Variants in IPO7 observed in about 807,000 individuals in gnomAD.
The protein encoded by IPO7 is importin 7.
In IPO7, 13 loss-of-function variants were observed where a neutral mutation model predicts 136.4. The ratio of observed to expected loss-of-function variants is 0.10; its 90% CI spans 0.06 to 0.15. The LOEUF (loss-of-function observed/expected upper bound fraction) is 0.15. Among genes scored for constraint, IPO7 ranks in the 10% least tolerant of loss-of-function variants. The pLI is 1.00. For synonymous variants in IPO7, 403 were observed against 404.4 expected, an observed-to-expected ratio of 1.00 and a Z score of 0.04; for missense variants, 857 against 1,240.6, an observed-to-expected ratio of 0.69 and a Z score of 4.65.
At chr11:9,389,584 A>G (rs1309514038) in intron 1 of IPO7, among the ~76,000 whole-genome samples, 1 of 152,284 alleles carries the variant, frequency 6.6e-6, no homozygotes, top group Non-Finnish European at 1.5e-5. Context: ...TTGGATGACG[A>G]AACTATTAGA....
intron 23 of IPO7, 143 bp downstream of exon 23, chr11:9,440,804 A>T: frequency 1.6e-6 from 1 of 616,198 alleles, no homozygotes; most frequent in Non-Finnish European, 2.9e-6. Context: ...ATTATTTCTA[A>T]GGTTGCCATA....
intron 5 of IPO7, chr11:9,414,619 CTTTTTTTTTTTTT>C (rs1164303193): frequency 5.6e-5 from 4 of 71,342 alleles, no homozygotes; most frequent in Admixed American, 2.3e-4. Context: ...CCTAATGAAT[CTTTTTTTTTTTTT>C]TTTTTTTTTT....
intron 1 of IPO7, among the ~76,000 whole-genome samples, chr11:9,388,619 C>T (rs939340366): frequency 3.3e-5 from 5 of 151,982 alleles, no homozygotes; most frequent in East Asian, 1.9e-4. Context: ...GCTGAGACTA[C>T]GGGGATGTGC....
At chr11:9,405,336 G>A (rs887423720) in intron 2 of IPO7, among the ~76,000 whole-genome samples, 2 of 151,812 alleles carry the variant, frequency 1.3e-5, no homozygotes, top group African/African-American at 2.4e-5. Context: ...CACCACGCCC[G>A]GCTAATTCTT....
intron 20 of IPO7, among the ~76,000 whole-genome samples, chr11:9,436,983 G>A (rs995030534): frequency 7.3e-6 from 1 of 137,572 alleles, no homozygotes; most frequent in Admixed American, 7.7e-5. Flanking sequence ...CCTCCCAGGT[G>A]CAAGCAGTTC....
chr11:9,438,255 G>A lies in IPO7; in HGVS notation c.2665G>A (p.Asp889Asn). 1.3e-6 allele frequency: 2 copies of A among 1,588,026 alleles called. No homozygotes were observed. Among genetic ancestry groups the A allele is most frequent in the Non-Finnish European group, 1.7e-6 (2 of 1,157,578 alleles). The part of the protein sequence containing the change: ...HAEHENDSDD[D>N]DEAEDDDETE... ...AGAACATGAGAATGACAGTGATGATGATGATGAAGCTGAAGATGATGATGA... is the reference window on the plus strand; with the variant it reads ...AGAACATGAGAATGACAGTGATGATAATGATGAAGCTGAAGATGATGATGA... The change falls in exon 22 of 25, where the codon GAT (aspartate) becomes AAT (asparagine). Residue 889 changes from aspartate to asparagine, a missense_variant. Physicochemically the swap from Asp to Asn is conservative, Grantham distance 23. Around this residue, in one of 11 missense-constraint regions of IPO7, gnomAD observed 119 missense variants for 155.5 expected, o/e 0.77. Coordinates refer to ENST00000379719, the MANE Select transcript of IPO7 (RefSeq NM_006391.3).
intron 24 of IPO7, among the ~76,000 whole-genome samples, chr11:9,444,371 T>G (rs1270424695): frequency 6.6e-6 from 1 of 151,122 alleles, no homozygotes; most frequent in Non-Finnish European, 1.5e-5. Flanking sequence ...ATTAAAAAAA[T>G]TATTTTATTT....
intron 16 of IPO7, chr11:9,433,291 C>A (rs568554459): frequency 2.5e-4 from 95 of 380,164 alleles, no homozygotes; most frequent in African/African-American, 1.3e-3. Context: ...CGGCCAACTC[C>A]TTTATTTTCA....
chr11:9,401,689 G>A (rs1042409644), intron 1 of IPO7, among the ~76,000 whole-genome samples: 2 of 151,932 alleles, frequency 1.3e-5, no homozygotes, highest in Non-Finnish European at 2.9e-5. Flanking sequence ...TTAAAATGTG[G>A]GAAATTCTAT....
chr11:9,385,848 A>G (rs1249937659), intron 1 of IPO7, among the ~76,000 whole-genome samples: 1 of 152,134 alleles, frequency 6.6e-6, no homozygotes, highest in Non-Finnish European at 1.5e-5. Context: ...TTTACGTATT[A>G]ATGATCAGTA....
At chr11:9,419,559 A>AATATATATATATATATATAT (rs1244588095) in intron 6 of IPO7, among the ~76,000 whole-genome samples, 1 of 116,866 alleles carries the variant, frequency 8.6e-6, no homozygotes, top group African/African-American at 3.8e-5. Flanking sequence ...AAAAAAAAAA[A>AATATATATATATATATATAT]ATATATATAT....
intron 1 of IPO7, among the ~76,000 whole-genome samples, chr11:9,395,388 C>T (rs967337001): frequency 2.0e-5 from 3 of 152,112 alleles, no homozygotes; most frequent in South Asian, 2.1e-4. Flanking sequence ...GGATTACAGG[C>T]GCCCCCCACT....
rs1565000048 is a variant in IPO7, at chr11:9,424,600, CGGGCGTGGTGG to C, written c.1142-313_1142-303del. 1.3e-4 allele frequency among the ~76,000 whole-genome samples: 20 copies of C among 152,070 alleles called. No homozygotes were observed. In the East Asian group the frequency reaches 3.9e-3, roughly 29 times the overall value. ...CTCTACTAAAAATACAAAAATTAGC[CGGGCGTGGTGG>C]CAGGCACCTGTAAACCAGCTACTTG... On this transcript the variant is annotated intron_variant, in intron 10 of 24. Transcript: ENST00000379719.
chr11:9,419,545 TAAAA>T (rs1178586532), intron 6 of IPO7, among the ~76,000 whole-genome samples: 1 of 91,738 alleles, frequency 1.1e-5, no homozygotes, highest in African/African-American at 4.6e-5. Context: ...AGACTCTGTC[TAAAA>T]AAAAAAAAAA....
chr11:9,436,664 G>T (rs1389633201), intron 20 of IPO7, among the ~76,000 whole-genome samples: 1 of 149,882 alleles, frequency 6.7e-6, no homozygotes, highest in African/African-American at 2.4e-5. Context: ...TTGTTTGTTT[G>T]TTTTGTTTTG....
rs186686728 is a variant in IPO7 at position 9,404,333 on chromosome 11, C to T, written c.166+962C>T. Among the ~76,000 whole-genome samples the T allele has an allele frequency of 4.6e-3, 702 of 151,320 alleles. 5 individuals are homozygous for T. Among genetic ancestry groups the T allele is most frequent in the African/African-American group, 0.016 (670 of 41,366 alleles). On this transcript the variant is annotated intron_variant, in intron 2 of 24. Coordinates refer to ENST00000379719, the MANE Select transcript of IPO7 (RefSeq NM_006391.3). Reference sequence around the variant, plus strand: ...ACAAAGAATTAGCCGGGCGTGGTGGCGGGCGCCTGTAGTCCCAGCTACTCG... The same window carrying T: ...ACAAAGAATTAGCCGGGCGTGGTGGTGGGCGCCTGTAGTCCCAGCTACTCG...
At chr11:9,433,675 T>C in intron 17 of IPO7, 39 bp downstream of exon 17, 3 of 1,613,074 alleles carry the variant, frequency 1.9e-6, no homozygotes, top group Non-Finnish European at 2.5e-6. Context: ...TTAGTGCTAT[T>C]TCACATGAGC....
At chr11:9,403,925 G>A (rs1854836739) in intron 2 of IPO7, among the ~76,000 whole-genome samples, 1 of 152,112 alleles carries the variant, frequency 6.6e-6, no homozygotes, top group Non-Finnish European at 1.5e-5. Flanking sequence ...GCAGTGGTGC[G>A]AACTCGGCTC....
At chr11:9,400,887 A>AC (rs1407976921) in intron 1 of IPO7, among the ~76,000 whole-genome samples, 12 of 151,976 alleles carry the variant, frequency 7.9e-5, no homozygotes, top group African/African-American at 2.9e-4. Context: ...GTCTGTAAGA[A>AC]GATACTAAAA....
Sources: gnomAD v4.1 joint callset for allele counts (sites outside exome capture counted in the v4.1 genomes callset) on GRCh38, gnomAD v4.1.1 for gene constraint, gnomAD v4.1.1 regional missense constraint, MANE v1.5 for transcripts, NCBI Gene and HGNC (gene_info 2026-07-23, HGNC 2026-07-21) for gene names.